B4GALT4: variants seen among roughly 807,000 people sequenced by gnomAD.
The protein encoded by B4GALT4 is N-acetyllactosamine synthase.
In B4GALT4, 27 loss-of-function variants were observed where a neutral mutation model predicts 37.3. The ratio of observed to expected loss-of-function variants is 0.72; its 90% CI spans 0.53 to 1.00. B4GALT4 has a LOEUF of 1.00. Ranked by LOEUF, B4GALT4 falls within the 50% of genes least tolerant of loss-of-function variation. The pLI is 0.00. For missense variants in B4GALT4, 372 were observed against 413.1 expected (o/e 0.90, Z 0.86); for synonymous variants, 148 against 154.1 (o/e 0.96, Z 0.29).
At position 119,212,299 on chromosome 3, in the gene B4GALT4, T is replaced by C; in HGVS notation, c.*250A>G. On this transcript the variant is annotated 3_prime_UTR_variant, in exon 8 of 8. Coordinates refer to ENST00000393765, the MANE Select transcript of B4GALT4 (RefSeq NM_003778.4). ...TTATCCTTTGAGTCATCCTTTTATA[T>C]AAAGTCCTTCAAGTATCCATATTAC... is the stretch of plus-strand genomic sequence containing the variant. 1.4e-6 allele frequency: 1 copy of C among 691,594 alleles called. No homozygotes were observed. Among genetic ancestry groups the C allele is most frequent in the South Asian group, 1.5e-5 (1 of 65,658 alleles). The allele number at this position is 691,594 out of a possible 1,614,324, so 42.8% of individuals were successfully genotyped here. A position where few individuals can be genotyped will look rare whatever the true frequency, so the allele number is the denominator to read the frequency against.
intron 6 of B4GALT4, among the ~76,000 whole-genome samples, chr3:119,217,213 T>G (rs2107466748): frequency 6.6e-6 from 1 of 152,326 alleles, no homozygotes; most frequent in Non-Finnish European, 1.5e-5. Flanking sequence ...ATCACCCCAG[T>G]GAAGTACATT....
chr3:119,228,108 A>C (rs2078681981), intron 3 of B4GALT4, among the ~76,000 whole-genome samples: 1 of 152,214 alleles, frequency 6.6e-6, no homozygotes, highest in African/African-American at 2.4e-5. Flanking sequence ...ATGCTGGGCT[A>C]TCGAGCTACC....
In B4GALT4 at chr3:119,212,622, G is replaced by A. The variant is rs2078189321; in HGVS notation, c.962C>T (p.Ser321Phe). Residue 321 changes from serine (S) to phenylalanine (F), a missense_variant, in exon 8 of 8, where the codon TCT (serine) becomes TTT (phenylalanine). Physicochemically the swap from Ser to Phe is radical, Grantham distance 155 (BLOSUM62 -2). Transcript: ENST00000393765. ...VWRTDGLSSC[S>F]YKLVSVEHNP... ...GTGTTCCACAGATACTAATTTATAA[G>A]AACAACTACTCAACCCATCTGTTCT... 1 of 1,613,010 alleles carries A rather than the reference G, an allele frequency of 6.2e-7. No homozygotes were observed. Among genetic ancestry groups the A allele is most frequent in the Admixed American group, 1.7e-5 (1 of 59,798 alleles).
chr3:119,224,150 A>G lies in B4GALT4; in HGVS notation c.582T>C (p.Asp194=), dbSNP rs1232503135. ...AGTCATTCTCGGGTACCAGGTCCAC[A>G]TCGTGGAATATAAAGCAGTCCCAAT... ...EENWDCFIFH[D]VDLVPENDFN... The change falls in exon 5 of 8, where the codon GAT becomes GAC. Residue 194 remains aspartate, a synonymous_variant. Transcript: ENST00000393765. 2 of 1,613,946 alleles carry G rather than the reference A, an allele frequency of 1.2e-6. No homozygotes were observed. Among genetic ancestry groups the G allele is most frequent in the African/African-American group, 1.3e-5 (1 of 74,914 alleles).
rs985657481 is a variant in B4GALT4 at position 119,212,143 on chromosome 3, C to T, written c.*406G>A. 34 of 703,018 alleles carry T rather than the reference C, an allele frequency of 4.8e-5. No individual in the cohort carries two copies. Among genetic ancestry groups the T allele is most frequent in the African/African-American group, 3.7e-4 (21 of 57,376 alleles). 43.5% of individuals were successfully genotyped at this position (703,018 alleles called of 1,614,324 possible). On this transcript the variant is annotated 3_prime_UTR_variant, in exon 8 of 8. Transcript: ENST00000393765. ...AGTATTGTATCTTCGTACCTTTCTA[C>T]CTTGGACGAGAACAACTCTGGTTCT...
chr3:119,228,353 T>C (rs1478525476), intron 3 of B4GALT4, among the ~76,000 whole-genome samples: 1 of 152,106 alleles, frequency 6.6e-6, no homozygotes, highest in Non-Finnish European at 1.5e-5. Context: ...TACCCCAACA[T>C]CTTCTCAAGA....
chr3:119,231,100 G>A (rs543642946), intron 2 of B4GALT4, among the ~76,000 whole-genome samples: 3 of 152,284 alleles, frequency 2.0e-5, no homozygotes, highest in Admixed American at 6.5e-5. Context: ...TAGACACACT[G>A]AAACACCACT....
chr3:119,237,737 T>G (rs902608629), intron 1 of B4GALT4, among the ~76,000 whole-genome samples: 3 of 152,224 alleles, frequency 2.0e-5, no homozygotes, highest in Non-Finnish European at 4.4e-5. Context: ...AGGTTTTTGA[T>G]TCCATCATTT....
rs200067522 is a variant in B4GALT4 at position 119,212,693 on chromosome 3, A to G, written c.903-12T>C. The G allele has an allele frequency of 2.1e-4, 328 of 1,581,698 alleles. No individual in the cohort carries two copies. The Middle Eastern group carries it at 4.7e-3, about 23-fold the overall frequency. ...GTAAGAGCTTCATCCTAAAGATAAAAAGAACAAATGTGAATGATAAGAATT... is the reference window on the plus strand; with the variant it reads ...GTAAGAGCTTCATCCTAAAGATAAAGAGAACAAATGTGAATGATAAGAATT... On this transcript the variant is annotated splice_polypyrimidine_tract_variant and intron_variant, in intron 7 of 7. Coordinates refer to ENST00000393765, the MANE Select transcript of B4GALT4 (RefSeq NM_003778.4).
At chr3:119,231,836 AT>A (rs1175725671) in intron 2 of B4GALT4, among the ~76,000 whole-genome samples, 1 of 146,780 alleles carries the variant, frequency 6.8e-6, no homozygotes, top group Non-Finnish European at 1.5e-5. Flanking sequence ...TATATTTTAT[AT>A]TTTTAGAATT....
intron 5 of B4GALT4, among the ~76,000 whole-genome samples, chr3:119,222,355 A>G (rs922799318): frequency 2.0e-5 from 3 of 152,172 alleles, no homozygotes; most frequent in Admixed American, 6.5e-5. Context: ...CTAGATAATA[A>G]GATTAGATCC....
intron 1 of B4GALT4, among the ~76,000 whole-genome samples, chr3:119,238,735 C>A (rs1019709819): frequency 6.6e-6 from 1 of 152,164 alleles, no homozygotes; most frequent in African/African-American, 2.4e-5. Context: ...CGGTTTCAGG[C>A]ATCCACTGTC....
At chr3:119,220,792 C>G (rs2078427617) in intron 5 of B4GALT4, among the ~76,000 whole-genome samples, 1 of 152,182 alleles carries the variant, frequency 6.6e-6, no homozygotes, top group South Asian at 2.1e-4. Flanking sequence ...CGAGACCACC[C>G]TGGCTAACAC....
chr3:119,217,818 G>C (rs2078333567), intron 6 of B4GALT4, among the ~76,000 whole-genome samples: 1 of 141,640 alleles, frequency 7.1e-6, no homozygotes, highest in African/African-American at 2.6e-5. Flanking sequence ...ACTCCAGCCT[G>C]GGTGACAGAG....
chr3:119,238,549 G>A (rs766115544), intron 1 of B4GALT4, among the ~76,000 whole-genome samples: 6 of 151,980 alleles, frequency 3.9e-5, no homozygotes, highest in Admixed American at 6.6e-5. Context: ...AAAAAAATAC[G>A]GTAAGATATT....
intron 6 of B4GALT4, 101 bp downstream of exon 6, chr3:119,218,549 G>A (rs1652285992): frequency 6.6e-7 from 1 of 1,521,202 alleles, no homozygotes. Context: ...GCAGCCTAGT[G>A]ACCTGCTGGA....
At position 119,211,985 on chromosome 3, in the gene B4GALT4, T is replaced by G; in HGVS notation, c.*564A>C. 1.7e-6 allele frequency: 1 copy of G among 582,638 alleles called. No individual in the cohort carries two copies. The allele number at this position is 582,638 out of a possible 1,614,324, so 36.1% of individuals were successfully genotyped here. On this transcript the variant is annotated 3_prime_UTR_variant, in exon 8 of 8. Transcript: ENST00000393765. ...CTACTGCTGCCTTTGCAGCCGACAC[T>G]CCACCCTCCTGCTACCTCTTCATTC...
chr3:119,231,333 G>A lies in B4GALT4; in HGVS notation c.-145-1089C>T, dbSNP rs530874889. On this transcript the variant is annotated intron_variant, in intron 2 of 7. Transcript: ENST00000393765. ...ACCTGACAAGGATACCTGGTTTGCCGCCAGCAACATCCACCATATCCTCTC... is the reference window on the plus strand; with the variant it reads ...ACCTGACAAGGATACCTGGTTTGCCACCAGCAACATCCACCATATCCTCTC... 3.9e-5 allele frequency among the ~76,000 whole-genome samples: 6 copies of A among 152,226 alleles called. No individual in the cohort carries two copies. The East Asian group carries it at 9.6e-4, about 24-fold the overall frequency.
intron 5 of B4GALT4, among the ~76,000 whole-genome samples, chr3:119,219,749 T>C (rs1228399422): frequency 6.6e-6 from 1 of 152,178 alleles, no homozygotes; most frequent in East Asian, 1.9e-4. Flanking sequence ...CTCCCAGTTA[T>C]ATAGGACTCT....
Sources: gnomAD v4.1 joint callset for allele counts (sites outside exome capture counted in the v4.1 genomes callset) on GRCh38, gnomAD v4.1.1 for gene constraint, MANE v1.5 for transcripts, NCBI Gene and HGNC (gene_info 2026-07-23, HGNC 2026-07-21) for gene names.